Variants in ALK observed in about 807,000 individuals in gnomAD.
ALK encodes the protein ALK tyrosine kinase receptor.
ALK carries 74 observed loss-of-function variants against 163.1 expected under a neutral mutation model. The ratio of observed to expected loss-of-function variants is 0.45; its 90% CI spans 0.38 to 0.55. The LOEUF (loss-of-function observed/expected upper bound fraction) is 0.55. Among genes scored for constraint, ALK ranks in the 20% least tolerant of loss-of-function variants. The pLI, the probability that ALK is intolerant of heterozygous loss-of-function variation, is 0.00. For missense variants in ALK, 2,063 were observed against 2,105.3 expected, an observed-to-expected ratio of 0.98 and a Z score of 0.39; for synonymous variants, 960 against 843.2, an observed-to-expected ratio of 1.14 and a Z score of -2.40.
At chr2:29,317,477 T>C (rs1325801535) in intron 8 of ALK, among the ~76,000 whole-genome samples, 1 of 152,214 alleles carries the variant, frequency 6.6e-6, no homozygotes, top group Non-Finnish European at 1.5e-5. Context: ...TTCTGAATGT[T>C]GATACAGTGT....
intron 18 of ALK, 141 bp downstream of exon 18, chr2:29,226,781 C>A: frequency 9.5e-7 from 1 of 1,053,664 alleles, no homozygotes; most frequent in South Asian, 1.3e-5. Flanking sequence ...GGTCAGAGCA[C>A]TCGAGCTGTG....
At chr2:29,563,970 G>T (rs893361191) in intron 3 of ALK, among the ~76,000 whole-genome samples, 5 of 152,192 alleles carry the variant, frequency 3.3e-5, no homozygotes, top group Admixed American at 2.6e-4. Context: ...AACCTCAGCC[G>T]CCTCCTTTTT....
At chr2:29,278,670 G>A (rs1178564943) in intron 9 of ALK, among the ~76,000 whole-genome samples, 1 of 152,200 alleles carries the variant, frequency 6.6e-6, no homozygotes, top group Admixed American at 6.5e-5. Context: ...TGTTAAAGCA[G>A]GTGCAACCCT....
chr2:29,697,438 G>T (rs1053831452), intron 2 of ALK, among the ~76,000 whole-genome samples: 1 of 152,072 alleles, frequency 6.6e-6, no homozygotes, highest in African/African-American at 2.4e-5. Context: ...ATGATTCCAC[G>T]TTTGCCCCAC....
chr2:29,262,761 T>C (rs899910181), intron 11 of ALK, among the ~76,000 whole-genome samples: 2 of 152,248 alleles, frequency 1.3e-5, no homozygotes, highest in African/African-American at 4.8e-5. Context: ...AAGCTGGGGC[T>C]GTCTAGATAA....
intron 5 of ALK, among the ~76,000 whole-genome samples, chr2:29,369,282 T>TTG (rs149015146): frequency 0.088 from 13,312 of 151,248 alleles, 620 homozygotes; most frequent in Non-Finnish European, 0.11. Flanking sequence ...TCCTTGCTGG[T>TTG]TGTGTGTGTG....
Position 29,523,858 on chromosome 2 carries a change from G to GTCT in ALK, c.1154+8056_1154+8057insAGA, listed in dbSNP as rs1672879628. Reference sequence around the variant, plus strand: ...AGGTCAGAACTGGCAGAAGCTGAAGGTTTTTTTTTTTTTTTTTTTTTTTTT... The same window carrying GTCT: ...AGGTCAGAACTGGCAGAAGCTGAAGGTCTTTTTTTTTTTTTTTTTTTTTTTTTT... On this transcript the variant is annotated intron_variant, in intron 4 of 28. Coordinates refer to ENST00000389048, the MANE Select transcript of ALK (RefSeq NM_004304.5). Among the ~76,000 whole-genome samples the GTCT allele has an allele frequency of 3.6e-5, 4 of 110,950 alleles. 2 individuals carry two copies. Among genetic ancestry groups the GTCT allele is most frequent in the Non-Finnish European group, 3.5e-5 (2 of 56,738 alleles). 72.8% of individuals were successfully genotyped at this position (110,950 alleles called of 152,430 possible). A position where few individuals can be genotyped will look rare whatever the true frequency, so the allele number is the denominator to read the frequency against.
At chr2:29,845,990 C>G (rs968871482) in intron 1 of ALK, among the ~76,000 whole-genome samples, 2 of 152,212 alleles carry the variant, frequency 1.3e-5, no homozygotes, top group Non-Finnish European at 2.9e-5. Context: ...GAAGCCTTTT[C>G]CAGTGGTCTG....
chr2:29,707,815 C>A (rs867403359), intron 2 of ALK, among the ~76,000 whole-genome samples: 20 of 152,178 alleles, frequency 1.3e-4, no homozygotes, highest in African/African-American at 4.8e-4. Context: ...TGGGCACATT[C>A]AGATCTGTCG....
At chr2:29,397,136 G>C (rs1036683521) in intron 4 of ALK, among the ~76,000 whole-genome samples, 32 of 152,106 alleles carry the variant, frequency 2.1e-4, no homozygotes, top group African/African-American at 7.5e-4. Flanking sequence ...CCATGCCTCA[G>C]AATGTGACTT....
intron 4 of ALK, among the ~76,000 whole-genome samples, chr2:29,407,839 A>G (rs1176632044): frequency 6.6e-6 from 1 of 152,178 alleles, no homozygotes; most frequent in East Asian, 1.9e-4. Flanking sequence ...TGCTCATCGC[A>G]TCACCTGGTA....
chr2:29,749,065 G>A (rs140278108), intron 1 of ALK, among the ~76,000 whole-genome samples: 41 of 152,280 alleles, frequency 2.7e-4, no homozygotes, highest in African/African-American at 9.6e-4. Flanking sequence ...CCTCTGGCCT[G>A]TTACAGAAGA....
Position 29,228,916 on chromosome 2 carries a change from CA to C in ALK, c.2782del (p.Cys928AlafsTer11), listed in dbSNP as rs2148180442. Reference sequence around the variant, plus strand: ...TCCTCCGCCTCCTCCACCTGAGGAGCACCCCCCTCCACCCCCTCCGAAACCC... The same window carrying C: ...TCCTCCGCCTCCTCCACCTGAGGAGCCCCCCCTCCACCCCCTCCGAAACCC... ...RGGFGGGGGG[C>X]SSGGGGGGYI... On this transcript the variant is annotated frameshift_variant, in exon 16 of 29. Coordinates refer to ENST00000389048, the MANE Select transcript of ALK (RefSeq NM_004304.5). LOFTEE classifies it high-confidence loss of function. 2.5e-5 allele frequency: 38 copies of C among 1,534,224 alleles called. No homozygotes were observed. Among genetic ancestry groups the C allele is most frequent in the East Asian group, 2.3e-5 (1 of 44,350 alleles).
At chr2:29,559,707 A>AATGAGGGTGGAGCTGCTGTGCCTGTGTTC (rs146605280) in intron 3 of ALK, among the ~76,000 whole-genome samples, 18,172 of 151,236 alleles carry the variant, frequency 0.12, 1,440 homozygotes, top group Non-Finnish European at 0.19. Context: ...AATGAAGAGT[A>AATGAGGGTGGAGCTGCTGTGCCTGTGTTC]ATGAGGGTGG....
intron 12 of ALK, among the ~76,000 whole-genome samples, chr2:29,244,473 C>T (rs186348626): frequency 2.6e-5 from 4 of 152,244 alleles, no homozygotes; most frequent in East Asian, 1.9e-4. Context: ...TCAGTGGGGC[C>T]GGCCCAGGTT....
chr2:29,634,980 C>A (rs534274710), intron 3 of ALK, among the ~76,000 whole-genome samples: 1 of 152,262 alleles, frequency 6.6e-6, no homozygotes, highest in South Asian at 2.1e-4. Flanking sequence ...AATTGTATTT[C>A]TCTATACTAG....
At chr2:29,779,994 C>T (rs540031560) in intron 1 of ALK, among the ~76,000 whole-genome samples, 5 of 152,184 alleles carry the variant, frequency 3.3e-5, no homozygotes, top group Non-Finnish European at 5.9e-5. Context: ...ATTCCTTGAT[C>T]TTGGGAATGC....
At chr2:29,197,791 T>C in intron 26 of ALK, 115 bp from the exon 27 acceptor site, 1 of 890,180 alleles carries the variant, frequency 1.1e-6, no homozygotes, top group Non-Finnish European at 1.9e-6. Context: ...ATTATACCCT[T>C]TTCCATAACA....
chr2:29,560,060 T>G (rs1375043872), intron 3 of ALK, among the ~76,000 whole-genome samples: 1 of 152,202 alleles, frequency 6.6e-6, no homozygotes, highest in African/African-American at 2.4e-5. Flanking sequence ...ATATTAAGCA[T>G]GTGGTTAACA....
Sources: gnomAD v4.1 joint callset for allele counts (sites outside exome capture counted in the v4.1 genomes callset) on GRCh38, gnomAD v4.1.1 for gene constraint, MANE v1.5 for transcripts, NCBI Gene and HGNC (gene_info 2026-07-23, HGNC 2026-07-21) for gene names.